VPS8: variants seen among roughly 807,000 people sequenced by gnomAD.
The protein encoded by VPS8 is vacuolar protein sorting-associated protein 8 homolog.
VPS8 carries 129 observed loss-of-function variants against 216.4 expected under a neutral mutation model. The observed-to-expected ratio is 0.60, with a 90% confidence interval of 0.52 to 0.69. The LOEUF (loss-of-function observed/expected upper bound fraction) is 0.69, where lower values mean the gene tolerates loss of function less well. VPS8 is among the 30% of genes least tolerant of loss of function. The probability of loss-of-function intolerance (pLI) is 0.00; values close to 1 mark genes in which losing one functional copy is unlikely to be tolerated. For synonymous variants in VPS8, 571 were observed against 565.4 expected (o/e 1.01, Z -0.14); for missense variants, 1,531 against 1,683.5 (o/e 0.91, Z 1.59).
chr3:184,903,687 A>G (rs1418757341), intron 25 of VPS8, among the ~76,000 whole-genome samples: 2 of 152,114 alleles, frequency 1.3e-5, no homozygotes, highest in South Asian at 2.1e-4. Flanking sequence ...GCCTCAAGCA[A>G]TCCTCCCACC....
intron 1 of VPS8, 115 bp from the exon 2 acceptor site, chr3:184,824,430 A>G (rs1271072610): frequency 3.6e-6 from 2 of 562,960 alleles, no homozygotes; most frequent in African/African-American, 1.9e-5. Flanking sequence ...TTTGCCTGCA[A>G]TCGGATGTTT....
rs747870753 is a variant in VPS8, at chr3:184,982,601, C to T, written c.3456C>T (p.Ala1152=). The T allele has an allele frequency of 3.7e-6, 6 of 1,613,288 alleles. No individual in the cohort carries two copies. The East Asian group carries it at 6.7e-5, about 18-fold the overall frequency. The change falls in exon 41 of 48, where the codon GCC becomes GCT. Residue 1152 remains alanine (A), a synonymous_variant. Coordinates refer to ENST00000625842, the MANE Select transcript of VPS8 (RefSeq NM_001009921.3). ...LWFPLLEAMM[A]PQKLSSSAIP... is the part of the protein sequence containing the mutation. Reference sequence around the variant, plus strand: ...TTCCGTTATTGGAGGCAATGATGGCCCCTCAGAAGCTGTCCAGTTCAGCCA... The same window carrying T: ...TTCCGTTATTGGAGGCAATGATGGCTCCTCAGAAGCTGTCCAGTTCAGCCA...
intron 45 of VPS8, among the ~76,000 whole-genome samples, chr3:185,011,204 T>A (rs1247338785): frequency 6.6e-6 from 1 of 151,932 alleles, no homozygotes; most frequent in East Asian, 1.9e-4. Flanking sequence ...TGCTAATAAT[T>A]ATAAGCCCTA....
intron 45 of VPS8, among the ~76,000 whole-genome samples, chr3:185,018,668 G>T (rs1756185648): frequency 6.6e-6 from 1 of 152,200 alleles, no homozygotes; most frequent in African/African-American, 2.4e-5. Flanking sequence ...ATTACAAGAG[G>T]AGAACCTGGT....
At chr3:184,813,519 GTA>G (rs1715631219) in intron 1 of VPS8, among the ~76,000 whole-genome samples, 1 of 152,114 alleles carries the variant, frequency 6.6e-6, no homozygotes, top group Non-Finnish European at 1.5e-5. Flanking sequence ...CACAGAATAG[GTA>G]TTGAATCCTC....
chr3:184,991,217 A>G (rs2109830325), intron 42 of VPS8, among the ~76,000 whole-genome samples: 1 of 152,338 alleles, frequency 6.6e-6, no homozygotes. Flanking sequence ...TGGTCATCAC[A>G]TCTTTTCTAG....
At chr3:184,821,240 G>A (rs1187699536) in intron 1 of VPS8, among the ~76,000 whole-genome samples, 1 of 152,152 alleles carries the variant, frequency 6.6e-6, no homozygotes, top group Non-Finnish European at 1.5e-5. Flanking sequence ...AGTTGGGAGA[G>A]TATATGTTGG....
intron 45 of VPS8, among the ~76,000 whole-genome samples, chr3:185,012,363 TAAAC>T (rs1037318124): frequency 1.4e-5 from 2 of 147,856 alleles, no homozygotes; most frequent in African/African-American, 4.9e-5. Context: ...TTATATATGA[TAAAC>T]ATAAATATAA....
At chr3:185,031,839 A>AT (rs1315857250) in intron 46 of VPS8, among the ~76,000 whole-genome samples, 1 of 152,208 alleles carries the variant, frequency 6.6e-6, no homozygotes, top group Admixed American at 6.6e-5. Flanking sequence ...CCCTTGAAGC[A>AT]TTAAAATCTT....
chr3:184,944,399 G>A (rs145038202), intron 36 of VPS8: 2 of 470,592 alleles, frequency 4.2e-6, no homozygotes, highest in Non-Finnish European at 5.6e-6. Flanking sequence ...TGGGACAGCT[G>A]CTACGTAAAG....
chr3:184,997,552 G>A (rs1275953803), intron 44 of VPS8, among the ~76,000 whole-genome samples: 3 of 152,192 alleles, frequency 2.0e-5, no homozygotes, highest in African/African-American at 4.8e-5. Context: ...AGCACCTGCT[G>A]TATGCAAGCT....
chr3:184,982,921 A>G, intron 41 of VPS8, 91 bp from the exon 42 acceptor site: 1 of 1,167,386 alleles, frequency 8.6e-7, no homozygotes, highest in Non-Finnish European at 1.2e-6. Context: ...CTAAGAAGCT[A>G]TATAAATGCA....
intron 10 of VPS8, among the ~76,000 whole-genome samples, chr3:184,850,695 A>G (rs1012957734): frequency 2.0e-5 from 3 of 152,220 alleles, no homozygotes; most frequent in Admixed American, 6.5e-5. Flanking sequence ...AAGGTAAAGG[A>G]TTATAACTAG....
Position 184,832,758 on chromosome 3 carries a change from C to A in VPS8, c.292C>A (p.His98Asn). ...TLLNIDTIDS[H>N]SYDTSSVASS... ...GTTAAACATTGATACTATTGATTCT[C>A]ACTCCTATGATACTTCATCTGTGGC... Residue 98 changes from histidine (H) to asparagine (N), a missense_variant, in exon 4 of 48, where the codon CAC becomes AAC. His to Asn is a moderately conservative substitution (Grantham distance 68). This residue lies in a region of VPS8 where 199 missense variants were observed against 182.2 expected (regional missense o/e 1.09). Transcript: ENST00000625842. The A allele has an allele frequency of 6.2e-7, 1 of 1,609,268 alleles. No homozygotes were observed. The highest frequency in any genetic ancestry group is 1.3e-5 in the African/African-American group (1 of 74,962).
At chr3:184,945,394 C>A (rs1322714526) in intron 36 of VPS8, among the ~76,000 whole-genome samples, 1 of 151,736 alleles carries the variant, frequency 6.6e-6, no homozygotes, top group African/African-American at 2.4e-5. Context: ...AAGACAGGGC[C>A]CTGCCTTCAG....
chr3:184,946,025 C>T (rs768722513), intron 36 of VPS8, among the ~76,000 whole-genome samples: 2 of 152,190 alleles, frequency 1.3e-5, no homozygotes, highest in Non-Finnish European at 2.9e-5. Flanking sequence ...ATGCAAAAGT[C>T]TGAAAACATC....
chr3:184,845,779 A>G (rs1287522639), intron 8 of VPS8, among the ~76,000 whole-genome samples: 1 of 149,676 alleles, frequency 6.7e-6, no homozygotes, highest in Non-Finnish European at 1.5e-5. Flanking sequence ...AAAAAAATGT[A>G]TGAAGGTACC....
intron 21 of VPS8, among the ~76,000 whole-genome samples, chr3:184,879,375 G>A (rs1212475905): frequency 1.3e-5 from 2 of 151,694 alleles, no homozygotes; most frequent in Admixed American, 6.6e-5. Context: ...TTTTAATTTT[G>A]GAGACCCCAA....
intron 3 of VPS8, among the ~76,000 whole-genome samples, chr3:184,828,823 C>G (rs2108527343): frequency 6.6e-6 from 1 of 152,298 alleles, no homozygotes; most frequent in South Asian, 2.1e-4. Context: ...ACTGAACAAC[C>G]TGTGTAACCA....
Sources: gnomAD v4.1 joint callset for allele counts (sites outside exome capture counted in the v4.1 genomes callset) on GRCh38, gnomAD v4.1.1 for gene constraint, gnomAD v4.1.1 regional missense constraint, MANE v1.5 for transcripts, NCBI Gene and HGNC (gene_info 2026-07-23, HGNC 2026-07-21) for gene names.